Variants in TULP4 observed in about 807,000 individuals in gnomAD.
TULP4 encodes the protein tubby-related protein 4.
A neutral mutation model predicts 129.0 loss-of-function variants in TULP4; 16 were observed. The ratio of observed to expected loss-of-function variants is 0.12; its 90% CI spans 0.08 to 0.19. The LOEUF (loss-of-function observed/expected upper bound fraction) is 0.19. Ranked by LOEUF, TULP4 falls within the 10% of genes least tolerant of loss-of-function variation. The pLI is 1.00. For synonymous variants in TULP4, 998 were observed against 854.0 expected, an observed-to-expected ratio of 1.17 and a Z score of -2.94; for missense variants, 1,842 against 2,059.1, an observed-to-expected ratio of 0.89 and a Z score of 2.04.
chr6:158,478,989 G>T (rs1437507776), intron 6 of TULP4, among the ~76,000 whole-genome samples: 1 of 152,120 alleles, frequency 6.6e-6, no homozygotes, highest in Non-Finnish European at 1.5e-5. Flanking sequence ...AGTGACTGTG[G>T]GTTATATACT....
intron 5 of TULP4, among the ~76,000 whole-genome samples, chr6:158,453,357 G>T (rs540234230): frequency 2.0e-5 from 3 of 151,506 alleles, no homozygotes; most frequent in Non-Finnish European, 2.9e-5. Flanking sequence ...GGTGGCGGGC[G>T]CCTGTAGTCC....
chr6:158,402,341 C>T (rs1777871455), intron 1 of TULP4, among the ~76,000 whole-genome samples: 1 of 152,040 alleles, frequency 6.6e-6, no homozygotes. Context: ...GTGCCTGGCA[C>T]AAGGTTAATG....
intron 1 of TULP4, among the ~76,000 whole-genome samples, chr6:158,329,563 T>C (rs1215278758): frequency 6.6e-6 from 1 of 152,190 alleles, no homozygotes; most frequent in African/African-American, 2.4e-5. Context: ...TTGATGGCTT[T>C]GTTTAAAAAG....
rs552166766 is a variant in TULP4 at position 158,441,827 on chromosome 6, T to C, written c.544-7169T>C. On this transcript the variant is annotated intron_variant, in intron 3 of 13. Transcript: ENST00000367097. ...CACCGTTTCTAACAACTCAAGGCTG[T>C]GTCCCGAGGATGACTGCTCCAGCTC... 1.4e-3 allele frequency among the ~76,000 whole-genome samples: 218 copies of C among 152,302 alleles called. 1 individual carries two copies. Among genetic ancestry groups the C allele is most frequent in the Middle Eastern group, 3.4e-3 (1 of 294 alleles).
intron 1 of TULP4, among the ~76,000 whole-genome samples, chr6:158,337,553 T>C (rs578262079): frequency 6.6e-6 from 1 of 152,318 alleles, no homozygotes; most frequent in East Asian, 1.9e-4. Flanking sequence ...CTGCCATCAG[T>C]GTCACTAAAG....
In TULP4 at chr6:158,271,195, T is replaced by C. The variant is rs114498034; in HGVS notation, n.68+38892T>C. On this transcript the variant is annotated intron_variant and non_coding_transcript_variant, in intron 1 of 1. Transcript: ENST00000620026. ...GATGCTGTACTGAGTTTATTTAATA[T>C]AAGCAGTTTTATGTTAGTCACTGCT... is the stretch of plus-strand genomic sequence containing the variant. Among the ~76,000 whole-genome samples the C allele has an allele frequency of 5.2e-3, 779 of 151,206 alleles. 6 individuals carry two copies. Among genetic ancestry groups the C allele is most frequent in the African/African-American group, 0.018 (744 of 41,220 alleles).
Position 158,502,842 on chromosome 6 carries a change from C to T in TULP4, c.3179C>T (p.Ser1060Phe). 1.2e-6 allele frequency: 2 copies of T among 1,613,496 alleles called. No homozygotes were observed. Among genetic ancestry groups the T allele is most frequent in the Non-Finnish European group, 1.7e-6 (2 of 1,179,950 alleles). ...GASLAHTASA[S>F]PLASQSSYSL... ...TCCCTGGCCCATACCGCCAGCGCCT[C>T]CCCGTTGGCCTCCCAGTCCTCCTAC... Residue 1060 changes from serine (S) to phenylalanine (F), a missense_variant, in exon 13 of 14, where the codon TCC becomes TTC. Ser to Phe is a radical substitution (Grantham distance 155). Around this residue, in one of 5 missense-constraint regions of TULP4, gnomAD observed 1,089 missense variants for 987.1 expected, o/e 1.10. Transcript: ENST00000367097.
chr6:158,472,107 C>T (rs1430809291), intron 6 of TULP4, among the ~76,000 whole-genome samples: 2 of 152,152 alleles, frequency 1.3e-5, no homozygotes, highest in African/African-American at 4.8e-5. Context: ...TTTAAAGCTG[C>T]CTAGTGGATT....
intron 1 of TULP4, among the ~76,000 whole-genome samples, chr6:158,254,810 G>A (rs1294009587): frequency 6.6e-6 from 1 of 152,194 alleles, no homozygotes; most frequent in Non-Finnish European, 1.5e-5. Context: ...CGTGGCTCAC[G>A]CTTGTTATCC....
At chr6:158,371,152 A>G (rs1158369297) in intron 1 of TULP4, among the ~76,000 whole-genome samples, 1 of 152,258 alleles carries the variant, frequency 6.6e-6, no homozygotes, top group Non-Finnish European at 1.5e-5. Flanking sequence ...GACACTTTAG[A>G]TAGCACATGA....
intron 1 of TULP4, among the ~76,000 whole-genome samples, chr6:158,243,847 G>GGTGT (rs57298904): frequency 0.11 from 15,479 of 143,448 alleles, 1,029 homozygotes; most frequent in African/African-American, 0.19. Flanking sequence ...AGCTGAAATA[G>GGTGT]GTGTGTGTGT....
At chr6:158,343,334 T>C (rs1780227180) in intron 1 of TULP4, among the ~76,000 whole-genome samples, 1 of 152,232 alleles carries the variant, frequency 6.6e-6, no homozygotes, top group Non-Finnish European at 1.5e-5. Context: ...GGTCTGCTTT[T>C]TCTTTTCTTG....
chr6:158,305,104 C>T (rs1045853494), intron 1 of TULP4, among the ~76,000 whole-genome samples: 1 of 152,062 alleles, frequency 6.6e-6, no homozygotes, highest in African/African-American at 2.4e-5. Flanking sequence ...CTCTTTATTT[C>T]CCCTCCCCTC....
chr6:158,399,985 G>A (rs1393901202), intron 1 of TULP4, among the ~76,000 whole-genome samples: 2 of 152,192 alleles, frequency 1.3e-5, no homozygotes, highest in African/African-American at 4.8e-5. Context: ...CAGTGTTCAG[G>A]CAAGAGAAGG....
intron 1 of TULP4, among the ~76,000 whole-genome samples, chr6:158,367,056 GAA>G (rs11315725): frequency 1.3e-5 from 2 of 149,916 alleles, no homozygotes; most frequent in Admixed American, 6.6e-5. Context: ...CTTTTGGATT[GAA>G]AAAAAAAAAT....
intron 1 of TULP4, among the ~76,000 whole-genome samples, chr6:158,411,583 T>G (rs1778101817): frequency 1.3e-5 from 2 of 152,180 alleles, no homozygotes. Context: ...TCTTCACACT[T>G]TAAGTGGGTA....
intron 1 of TULP4, among the ~76,000 whole-genome samples, chr6:158,305,974 C>G (rs1489381641): frequency 6.6e-6 from 1 of 152,062 alleles, no homozygotes; most frequent in Non-Finnish European, 1.5e-5. Flanking sequence ...TGCCCAACAC[C>G]ACTCATTTTT....
intron 1 of TULP4, among the ~76,000 whole-genome samples, chr6:158,332,631 G>T (rs1779939048): frequency 6.6e-6 from 1 of 152,128 alleles, no homozygotes; most frequent in Admixed American, 6.5e-5. Context: ...TGGTTTCTAT[G>T]TTGAGGAGCT....
chr6:158,443,945 T>G (rs341123), intron 3 of TULP4, among the ~76,000 whole-genome samples: 7 of 151,804 alleles, frequency 4.6e-5, no homozygotes, highest in South Asian at 2.1e-4. Flanking sequence ...TTTGGCCGGG[T>G]GCGGTGGCTC....
Sources: allele counts gnomAD v4.1 joint callset (sites outside exome capture counted in the v4.1 genomes callset), GRCh38; gene constraint gnomAD v4.1.1; regional missense constraint gnomAD v4.1.1; transcripts MANE v1.5; gene names NCBI Gene and HGNC (gene_info 2026-07-23, HGNC 2026-07-21).